DLG2: variants seen among roughly 807,000 people sequenced by gnomAD.
DLG2 encodes the protein discs large MAGUK scaffold protein 2.
A neutral mutation model predicts 132.5 loss-of-function variants in DLG2; 45 were observed. That is an observed-to-expected ratio of 0.34 (90% CI 0.27 to 0.44). The LOEUF is 0.44. Ranked by LOEUF, DLG2 falls within the 20% of genes least tolerant of loss-of-function variation. DLG2 has a pLI of 1.00. For synonymous variants in DLG2, 424 were observed against 419.6 expected (o/e 1.01, Z -0.13); for missense variants, 1,045 against 1,196.9 (o/e 0.87, Z 1.87).
chr11:84,618,144 A>T (rs1415761657), intron 6 of DLG2, among the ~76,000 whole-genome samples: 1 of 152,064 alleles, frequency 6.6e-6, no homozygotes, highest in Non-Finnish European at 1.5e-5. Flanking sequence ...AGGGAATTGT[A>T]ACTATTTGGG....
At position 84,001,323 on chromosome 11, in the gene DLG2, TA is replaced by T. The variant is rs34868321; in HGVS notation, c.920-20682del. Among the ~76,000 whole-genome samples the T allele has an allele frequency of 6.8e-3, 944 of 138,918 alleles. 4 individuals are homozygous for T. The highest frequency in any genetic ancestry group is 0.014 in the African/African-American group (517 of 37,268). The allele number at this position is 138,918 out of a possible 152,430, so 91.1% of individuals were successfully genotyped here. The stretch of plus-strand genomic sequence containing the variant: ...TATATTGGATAAAACAGACTTCAAG[TA>T]AAAAAAAAAAAACAGTAAAAAAGAG... On this transcript the variant is annotated intron_variant, in intron 11 of 27. Coordinates refer to ENST00000376104, the MANE Select transcript of DLG2 (RefSeq NM_001142699.3).
At chr11:84,123,142 T>C (rs951569290) in intron 9 of DLG2, among the ~76,000 whole-genome samples, 5 of 152,216 alleles carry the variant, frequency 3.3e-5, no homozygotes, top group African/African-American at 1.2e-4. Flanking sequence ...CTACTTATTA[T>C]ATGTTTCATT....
chr11:84,362,526 T>C (rs2098655623), intron 7 of DLG2, among the ~76,000 whole-genome samples: 1 of 151,962 alleles, frequency 6.6e-6, no homozygotes, highest in African/African-American at 2.4e-5. Context: ...TTTATTATTA[T>C]ACTTCAAGTT....
intron 3 of DLG2, among the ~76,000 whole-genome samples, chr11:85,584,461 A>G (rs2078835998): frequency 6.6e-6 from 1 of 152,104 alleles, no homozygotes; most frequent in African/African-American, 2.4e-5. Flanking sequence ...TTGTGCTGCT[A>G]TAGACATGCA....
At chr11:85,383,613 A>T (rs993739338) in intron 3 of DLG2, among the ~76,000 whole-genome samples, 1 of 152,314 alleles carries the variant, frequency 6.6e-6, no homozygotes, top group South Asian at 2.1e-4. Context: ...CGGTAAGTAG[A>T]GTGCTCAGTT....
chr11:83,911,487 T>G (rs2076039532), intron 15 of DLG2, among the ~76,000 whole-genome samples: 1 of 152,106 alleles, frequency 6.6e-6, no homozygotes, highest in South Asian at 2.1e-4. Flanking sequence ...CATTATTTTT[T>G]AATGTGTGGG....
intron 15 of DLG2, among the ~76,000 whole-genome samples, chr11:83,890,212 A>G (rs2069341042): frequency 6.6e-6 from 1 of 152,128 alleles, no homozygotes; most frequent in East Asian, 1.9e-4. Flanking sequence ...GCCAGCTAGG[A>G]TTTTAGGCAT....
intron 6 of DLG2, among the ~76,000 whole-genome samples, chr11:84,805,969 A>C (rs1399991511): frequency 6.6e-6 from 1 of 152,362 alleles, no homozygotes; most frequent in Middle Eastern, 3.4e-3. Context: ...GCAAAGAAAG[A>C]AAGTTTCAAT....
chr11:84,255,111 A>G (rs200535084), intron 7 of DLG2, among the ~76,000 whole-genome samples: 2 of 152,254 alleles, frequency 1.3e-5, no homozygotes, highest in East Asian at 3.9e-4. Flanking sequence ...AGCATGGCCT[A>G]TGAGTGTGCT....
chr11:83,724,784 T>C, intron 18 of DLG2: 4 of 695,356 alleles, frequency 5.8e-6, no homozygotes, highest in Non-Finnish European at 7.9e-6. Flanking sequence ...CCTCTTTTCA[T>C]TTTACTGGCC....
At chr11:83,622,108 G>C (rs746046786) in intron 19 of DLG2, among the ~76,000 whole-genome samples, 4 of 152,066 alleles carry the variant, frequency 2.6e-5, no homozygotes, top group South Asian at 2.1e-4. Context: ...TTTTGTTTTT[G>C]GTAGAGATGG....
chr11:84,796,531 G>A (rs145401585), intron 6 of DLG2, among the ~76,000 whole-genome samples: 46 of 152,212 alleles, frequency 3.0e-4, no homozygotes, highest in Admixed American at 1.8e-3. Flanking sequence ...ATTAACATCC[G>A]TTTCCTTCAG....
In DLG2 at chr11:83,487,923, G is replaced by A. The variant is rs142369168; in HGVS notation, c.2194-3695C>T. Among the ~76,000 whole-genome samples the A allele has an allele frequency of 9.3e-4, 142 of 152,036 alleles. 2 individuals carry two copies. The highest frequency in any genetic ancestry group is 8.9e-3 in the South Asian group (43 of 4,818). On this transcript the variant is annotated intron_variant, in intron 21 of 27. Coordinates refer to ENST00000376104, the MANE Select transcript of DLG2 (RefSeq NM_001142699.3). ...TGGTTGCTTAGAGCTGGGGATAGTG[G>A]GCACAGAGATTGGGAAGTGGCAGCC...
intron 7 of DLG2, among the ~76,000 whole-genome samples, chr11:84,420,008 G>A (rs1026224061): frequency 6.6e-6 from 1 of 152,016 alleles, no homozygotes; most frequent in African/African-American, 2.4e-5. Context: ...AACAACACTG[G>A]GGCTACAGGA....
At chr11:85,482,649 G>A (rs1169144393) in intron 3 of DLG2, among the ~76,000 whole-genome samples, 1 of 152,126 alleles carries the variant, frequency 6.6e-6, no homozygotes, top group Non-Finnish European at 1.5e-5. Flanking sequence ...CAGGCTCCAG[G>A]CCAGCCTAAT....
chr11:85,417,895 A>G (rs938282651), intron 3 of DLG2, among the ~76,000 whole-genome samples: 8 of 151,960 alleles, frequency 5.3e-5, no homozygotes, highest in African/African-American at 1.4e-4. Flanking sequence ...CAGCTCCTGG[A>G]TTCATTGATT....
chr11:85,551,282 C>T (rs1371199892), intron 3 of DLG2, among the ~76,000 whole-genome samples: 1 of 151,772 alleles, frequency 6.6e-6, no homozygotes, highest in Non-Finnish European at 1.5e-5. Context: ...CATTATGTTC[C>T]CCCAAAAGAT....
chr11:84,405,875 C>T (rs1171746339), intron 7 of DLG2, among the ~76,000 whole-genome samples: 1 of 152,154 alleles, frequency 6.6e-6, no homozygotes, highest in Non-Finnish European at 1.5e-5. Context: ...TAACTTAGTT[C>T]AGTTACATAT....
At position 84,462,013 on chromosome 11, in the gene DLG2, C is replaced by A. The variant is rs958877434; in HGVS notation, c.519+72557G>T. ...AAAGACAGGAGATCAAGATCCTTGG[C>A]GAAATGTCATCAACGTTAAGTAGAT... is the stretch of plus-strand genomic sequence containing the variant. On this transcript the variant is annotated intron_variant, in intron 7 of 27. Transcript: ENST00000376104. 3.3e-5 allele frequency among the ~76,000 whole-genome samples: 5 copies of A among 150,876 alleles called. No homozygotes were observed. The South Asian group carries it at 8.3e-4, about 25-fold the overall frequency.
Sources: gnomAD v4.1 joint callset for allele counts (sites outside exome capture counted in the v4.1 genomes callset) on GRCh38, gnomAD v4.1.1 for gene constraint, MANE v1.5 for transcripts, NCBI Gene and HGNC (gene_info 2026-07-23, HGNC 2026-07-21) for gene names.